FAM9B: variants seen among roughly 807,000 people sequenced by gnomAD.
FAM9B encodes protein FAM9B.
Under a neutral mutation model 16.6 loss-of-function variants are expected in FAM9B, and 18 were observed. The ratio of observed to expected loss-of-function variants is 1.09; its 90% CI spans 0.75 to 1.61. FAM9B has a LOEUF of 1.61. Ranked by LOEUF, FAM9B falls within the 40% of genes most tolerant of loss-of-function variation. The pLI, the probability that FAM9B is intolerant of heterozygous loss-of-function variation, is 0.00. For missense variants in FAM9B, 155 were observed against 136.0 expected, an observed-to-expected ratio of 1.14 and a Z score of -0.70; for synonymous variants, 43 against 42.6, an observed-to-expected ratio of 1.01 and a Z score of -0.03.
rs140135828 is a variant in FAM9B, at chrX:9,029,309, T to A, written c.391A>T (p.Ile131Phe). ...ATAAAGCTAAGCATGATACCAACAA[T>A]TAGTTCTTCCTCTTCTCCCTCTTCT... is the stretch of plus-strand genomic sequence containing the variant. ...EEEEGEEEEL[I>F]RIFQEQQKKW... is the part of the protein sequence containing the mutation. The change falls in exon 6 of 9, where the codon ATT becomes TTT. Residue 131 changes from isoleucine (I) to phenylalanine (F), a missense_variant and splice_region_variant. Coordinates refer to ENST00000327220, the MANE Select transcript of FAM9B (RefSeq NM_205849.3). The A allele has an allele frequency of 1.5e-5, 18 of 1,186,757 alleles. No homozygotes were observed. Among genetic ancestry groups the A allele is most frequent in the Non-Finnish European group, 1.9e-5 (17 of 873,977 alleles).
chrX:9,032,693 C>A, intron 2 of FAM9B: 1 of 546,268 alleles, frequency 1.8e-6, no homozygotes, highest in Non-Finnish European at 2.9e-6. Flanking sequence ...CAGTTCAGAC[C>A]CCTTGGATGT....
At chrX:9,033,674 T>G in intron 1 of FAM9B, 178 bp downstream of exon 1, 24 of 362,240 alleles carry the variant, frequency 6.6e-5, no homozygotes, top group Non-Finnish European at 7.1e-5. Context: ...GCTCCCTCCC[T>G]GCCCTGGCCC....
rs756584379 is a variant in FAM9B at position 9,025,528 on chromosome X, T to C, written c.548A>G (p.Glu183Gly). Residue 183 changes from glutamate (E) to glycine (G), a missense_variant, in exon 8 of 9, where the codon GAA (glutamate) becomes GGA (glycine). By Grantham distance (98) the Glu-to-Gly change is moderately conservative. Coordinates refer to ENST00000327220, the MANE Select transcript of FAM9B (RefSeq NM_205849.3). ...TTAAAAACATGTCTAGTTATCAAGT[T>C]CACTGTCTTCATCGGAAAAAACTCT... is the stretch of plus-strand genomic sequence containing the variant. ...CDRVFSDEDS[E>G]LDN 1.7e-6 allele frequency: 2 copies of C among 1,204,930 alleles called. No homozygotes were observed. Among genetic ancestry groups the C allele is most frequent in the Non-Finnish European group, 2.2e-6 (2 of 892,062 alleles).
chrX:9,030,180 G>T, intron 5 of FAM9B, 81 bp downstream of exon 5: 11 of 1,157,488 alleles, frequency 9.5e-6, no homozygotes, highest in Non-Finnish European at 1.3e-5. Flanking sequence ...ATATGTACAG[G>T]ATAGTTTTTG....
intron 1 of FAM9B, 60 bp from the exon 2 acceptor site, chrX:9,033,135 C>T: frequency 8.5e-7 from 1 of 1,174,958 alleles, no homozygotes; most frequent in African/African-American, 1.8e-5. Flanking sequence ...AAAGGAAAGC[C>T]ATTGGGATCA....
Position 9,027,929 on chromosome X carries a change from T to C in FAM9B, c.431A>G (p.Tyr144Cys). The C allele has an allele frequency of 8.3e-7, 1 of 1,210,325 alleles. No individual in the cohort carries two copies. Among genetic ancestry groups the C allele is most frequent in the Non-Finnish European group, 1.1e-6 (1 of 894,374 alleles). ...FQEQQKKWQQYRSVRRERLKE... is the reference protein window; with the variant it reads ...FQEQQKKWQQCRSVRRERLKE... ...CAGCCTCTCTCTCCTAACACTTCTA[T>C]ATTGTTGCCACTTCTTCTGTTGTTC... Residue 144 changes from tyrosine (Y) to cysteine (C), a missense_variant, in exon 7 of 9, where the codon TAT becomes TGT. By Grantham distance (194) the Tyr-to-Cys change is radical (BLOSUM62 -2). Coordinates refer to ENST00000327220, the MANE Select transcript of FAM9B (RefSeq NM_205849.3).
At chrX:9,028,692 GATAA>G (rs1267116266) in intron 6 of FAM9B, among the ~76,000 whole-genome samples, 3 of 111,238 alleles carry the variant, frequency 2.7e-5, no homozygotes, top group Non-Finnish European at 5.6e-5. Context: ...GTCAAGCTGA[GATAA>G]ATAATTTTTC....
In FAM9B at chrX:9,027,728, C is replaced by T. The variant is rs1160450811; in HGVS notation, c.492+140G>A. The T allele has an allele frequency of 6.3e-6, 3 of 475,582 alleles. No homozygotes were observed. The East Asian group carries it at 1.1e-4, about 18-fold the overall frequency. 39.2% of individuals were successfully genotyped at this position (475,582 alleles called of 1,213,427 possible). On this transcript the variant is annotated intron_variant, in intron 7 of 8. Transcript: ENST00000327220. ...TTTACCAATTATATTATATCTGGAA[C>T]AATACATTCAAAGTGAAAATGCTAA...
Position 9,033,075 on chromosome X carries a change from C to T in FAM9B, c.-89G>A. Reference sequence around the variant, plus strand: ...TGGGAAGCTAGAGGCGATCCCCGAACCTGGTGAGCGCAAAGACACACTAAG... The same window carrying T: ...TGGGAAGCTAGAGGCGATCCCCGAATCTGGTGAGCGCAAAGACACACTAAG... On this transcript the variant is annotated splice_region_variant and 5_prime_UTR_variant, in exon 2 of 9. Transcript: ENST00000327220. 1 of 1,208,677 alleles carries T rather than the reference C, an allele frequency of 8.3e-7. No homozygotes were observed. The highest frequency in any genetic ancestry group is 1.1e-6 in the Non-Finnish European group (1 of 893,646).
intron 1 of FAM9B, 153 bp from the exon 2 acceptor site, chrX:9,033,228 C>T: frequency 9.0e-7 from 1 of 1,110,048 alleles, no homozygotes; most frequent in Non-Finnish European, 1.2e-6. Flanking sequence ...GTGTCCCCTC[C>T]TGTCCTGGCC....
At chrX:9,025,698 T>C (rs1303481302) in intron 7 of FAM9B, 115 bp from the exon 8 acceptor site, 2 of 536,294 alleles carry the variant, frequency 3.7e-6, no homozygotes, top group Non-Finnish European at 3.0e-6. Context: ...ATGCCAGTTA[T>C]TCATTTCAAA....
chrX:9,033,727 C>T, intron 1 of FAM9B, 125 bp downstream of exon 1: 2 of 736,693 alleles, frequency 2.7e-6, no homozygotes, highest in Non-Finnish European at 1.6e-6. Context: ...TCGCCCTGAC[C>T]CAGGCCCCAG....
chrX:9,030,184 GT>G, intron 5 of FAM9B, 76 bp downstream of exon 5: 1 of 1,159,880 alleles, frequency 8.6e-7, no homozygotes, highest in Non-Finnish European at 1.2e-6. Context: ...GTACAGGATA[GT>G]TTTTGAAATT....
At chrX:9,033,746 G>A (rs1921170629) in intron 1 of FAM9B, 106 bp downstream of exon 1, 3 of 730,858 alleles carry the variant, frequency 4.1e-6, no homozygotes, top group African/African-American at 2.7e-5. Flanking sequence ...AGGCGACGAC[G>A]CTGGGGCCAT....
chrX:9,032,125 C>T lies in FAM9B; in HGVS notation c.181+5G>A. The T allele has an allele frequency of 8.3e-7, 1 of 1,204,548 alleles. No homozygotes were observed. The highest frequency in any genetic ancestry group is 1.1e-6 in the Non-Finnish European group (1 of 892,342). On this transcript the variant is annotated splice_donor_5th_base_variant and intron_variant, in intron 4 of 8. Coordinates refer to ENST00000327220, the MANE Select transcript of FAM9B (RefSeq NM_205849.3). ...CATAAACTACAGATAACTCCTAAAACATACCTGCAGTATCTTCTGGCTTCT... is the reference window on the plus strand; with the variant it reads ...CATAAACTACAGATAACTCCTAAAATATACCTGCAGTATCTTCTGGCTTCT...
chrX:9,033,165 G>T, intron 1 of FAM9B, 90 bp from the exon 2 acceptor site: 1 of 1,161,685 alleles, frequency 8.6e-7, no homozygotes, highest in Non-Finnish European at 1.1e-6. Context: ...GAAGGGTGGG[G>T]CTGGCCCGCC....
At chrX:9,031,443 T>C (rs1266086608) in intron 4 of FAM9B, 1 of 112,012 alleles carries the variant, frequency 8.9e-6, no homozygotes, top group Non-Finnish European at 1.9e-5. Context: ...AGTTTATTAC[T>C]GGAATAATAA....
chrX:9,030,796 A>G (rs1921051137), intron 4 of FAM9B: 1 of 112,796 alleles, frequency 8.9e-6, no homozygotes, highest in African/African-American at 3.2e-5. Flanking sequence ...AACCCTCAAA[A>G]GGGTAGAAAT....
rs748282640 is a variant in FAM9B at position 9,025,461 on chromosome X, A to C, written c.*31+23T>G. ...AGTGCTACATCAATCCTGAGTTTTT[A>C]ATATTAAATATGCACTACTTACAGT... On this transcript the variant is annotated intron_variant, in intron 8 of 8. Coordinates refer to ENST00000327220, the MANE Select transcript of FAM9B (RefSeq NM_205849.3). The C allele has an allele frequency of 8.6e-5, 83 of 959,564 alleles. No individual in the cohort carries two copies. In the South Asian group the frequency reaches 1.8e-3, roughly 21 times the overall value. The allele number at this position is 959,564 out of a possible 1,213,427, so 79.1% of individuals were successfully genotyped here.
Sources: allele counts gnomAD v4.1 joint callset (sites outside exome capture counted in the v4.1 genomes callset), GRCh38; gene constraint gnomAD v4.1.1; transcripts MANE v1.5; gene names NCBI Gene and HGNC (gene_info 2026-07-23, HGNC 2026-07-21).